IL1RL2: variants seen among roughly 807,000 people sequenced by gnomAD.
The protein encoded by IL1RL2 is interleukin 1 receptor like 2.
A neutral mutation model predicts 66.8 loss-of-function variants in IL1RL2; 68 were observed. That is an observed-to-expected ratio of 1.02 (90% CI 0.84 to 1.25). IL1RL2 has a LOEUF of 1.25. Among genes scored for constraint, IL1RL2 ranks in the 50% most tolerant of loss-of-function variants. The probability of loss-of-function intolerance (pLI) is 0.00; values close to 1 mark genes in which losing one functional copy is unlikely to be tolerated. For missense variants in IL1RL2, 729 were observed against 709.3 expected (o/e 1.03, Z -0.32); for synonymous variants, 305 against 264.6 (o/e 1.15, Z -1.48).
At chr2:102,226,624 GAGGA>G (rs549357283) in intron 9 of IL1RL2, among the ~76,000 whole-genome samples, 1 of 152,048 alleles carries the variant, frequency 6.6e-6, no homozygotes, top group Non-Finnish European at 1.5e-5. Context: ...GAAAGGAATA[GAGGA>G]AGGAAGGAAG....
chr2:102,236,250 T>C lies in IL1RL2; in HGVS notation c.1678+973T>C, dbSNP rs571442323. Among the ~76,000 whole-genome samples, 39 of 152,336 alleles carry C rather than the reference T, an allele frequency of 2.6e-4. No individual in the cohort carries two copies. In the East Asian group the frequency reaches 6.9e-3, roughly 27 times the overall value. On this transcript the variant is annotated intron_variant, in intron 11 of 11. Coordinates refer to ENST00000264257, the MANE Select transcript of IL1RL2 (RefSeq NM_003854.4). Reference sequence around the variant, plus strand: ...GTGGGTTGTTGACACTGAGACTTAGTAAGCAGTCAGTGGGGGCTGGAAGGG... The same window carrying C: ...GTGGGTTGTTGACACTGAGACTTAGCAAGCAGTCAGTGGGGGCTGGAAGGG...
chr2:102,220,103 C>T (rs1046232055), intron 8 of IL1RL2, 86 bp downstream of exon 8: 134 of 1,296,436 alleles, frequency 1.0e-4, no homozygotes, highest in Non-Finnish European at 1.3e-4. Context: ...ACTCTAAATG[C>T]TCAGTGTGAG....
At chr2:102,195,644 T>C (rs1687688328) in intron 4 of IL1RL2, among the ~76,000 whole-genome samples, 1 of 24,954 alleles carries the variant, frequency 4.0e-5, no homozygotes, top group Non-Finnish European at 1.0e-4. Flanking sequence ...TCTCTCTCTC[T>C]CTCTTTCTTT....
chr2:102,239,052 G>T (rs568254208), intron 11 of IL1RL2, 140 bp from the exon 12 acceptor site: 2 of 680,288 alleles, frequency 2.9e-6, no homozygotes, highest in African/African-American at 1.8e-5. Flanking sequence ...TAACCCAAGA[G>T]AAATGGAAGC....
chr2:102,236,955 C>T (rs150172250), intron 11 of IL1RL2, among the ~76,000 whole-genome samples: 116 of 152,296 alleles, frequency 7.6e-4, no homozygotes, highest in African/African-American at 2.5e-3. Context: ...TGCTGGTCTC[C>T]GGGAAGTCAG....
chr2:102,239,489 G>A lies in IL1RL2; in HGVS notation c.*248G>A, dbSNP rs866150845. 1 of 449,244 alleles carries A rather than the reference G, an allele frequency of 2.2e-6. No individual in the cohort carries two copies. Among genetic ancestry groups the A allele is most frequent in the African/African-American group, 2.0e-5 (1 of 50,130 alleles). The allele number at this position is 449,244 out of a possible 1,614,324, so 27.8% of individuals were successfully genotyped here. A position where few individuals can be genotyped will look rare whatever the true frequency, so the allele number is the denominator to read the frequency against. On this transcript the variant is annotated 3_prime_UTR_variant, in exon 12 of 12. Coordinates refer to ENST00000264257, the MANE Select transcript of IL1RL2 (RefSeq NM_003854.4). ...GCTGGGGGTTATCCCCATGGTCATG[G>A]AGGGTGAGGGCTGGTCGGGGGAGGC...
chr2:102,238,302 C>A (rs1318014284), intron 11 of IL1RL2, among the ~76,000 whole-genome samples: 1 of 152,164 alleles, frequency 6.6e-6, no homozygotes, highest in Non-Finnish European at 1.5e-5. Context: ...CCTGAGTCGG[C>A]TCATGAGAGA....
chr2:102,237,050 A>G (rs978433712), intron 11 of IL1RL2, among the ~76,000 whole-genome samples: 1 of 152,178 alleles, frequency 6.6e-6, no homozygotes, highest in African/African-American at 2.4e-5. Flanking sequence ...GAGTGTGGTC[A>G]TTCATTTATA....
At chr2:102,198,711 A>G (rs1013882438) in intron 4 of IL1RL2, among the ~76,000 whole-genome samples, 1 of 151,444 alleles carries the variant, frequency 6.6e-6, no homozygotes, top group African/African-American at 2.4e-5. Context: ...CTTTTCCTCT[A>G]TATTTGGGTC....
At chr2:102,238,940 G>C (rs1014979975) in intron 11 of IL1RL2, among the ~76,000 whole-genome samples, 8 of 152,148 alleles carry the variant, frequency 5.3e-5, no homozygotes, top group Admixed American at 1.3e-4. Context: ...CAGAGCCCTG[G>C]CTCTTGTCAT....
chr2:102,231,557 A>T (rs1004727007), intron 9 of IL1RL2, among the ~76,000 whole-genome samples: 8 of 136,908 alleles, frequency 5.8e-5, no homozygotes, highest in Non-Finnish European at 9.1e-5. Flanking sequence ...TCCCATGTTC[A>T]TTGTGAGTTT....
intron 4 of IL1RL2, among the ~76,000 whole-genome samples, chr2:102,195,643 CTCTCTT>C (rs1164347409): frequency 0.042 from 2,581 of 61,074 alleles, 158 homozygotes; most frequent in African/African-American, 0.11. Flanking sequence ...CTCTCTCTCT[CTCTCTT>C]TCTTTCTTTC....
chr2:102,214,936 A>T (rs1010970446), intron 6 of IL1RL2, among the ~76,000 whole-genome samples: 1 of 150,110 alleles, frequency 6.7e-6, no homozygotes, highest in African/African-American at 2.5e-5. Flanking sequence ...CATGGAAATG[A>T]TGGAATCCCT....
chr2:102,197,899 T>C (rs895775294), intron 4 of IL1RL2, among the ~76,000 whole-genome samples: 1 of 152,200 alleles, frequency 6.6e-6, no homozygotes, highest in Admixed American at 6.5e-5. Context: ...ACTTTCCAGA[T>C]TGTGGTAGAG....
At chr2:102,236,079 C>T (rs1455265824) in intron 11 of IL1RL2, 2 of 352,058 alleles carry the variant, frequency 5.7e-6, no homozygotes, top group African/African-American at 4.5e-5. Flanking sequence ...AGTCAGTTTC[C>T]AATGAGCCAA....
rs1392315070 is a variant in IL1RL2 at position 102,219,893 on chromosome 2, T to A, written c.867T>A (p.Ser289=). ...RIREGVETHV[S]FREHNLYTVN... is the part of the protein sequence containing the mutation. ...TTTTCTTTTATAGAACCCATGTCTCTTTTCGGGAACATAATTTGTACACAG... is the reference window on the plus strand; with the variant it reads ...TTTTCTTTTATAGAACCCATGTCTCATTTCGGGAACATAATTTGTACACAG... Residue 289 remains serine, a synonymous_variant, in exon 8 of 12, where the codon TCT becomes TCA. Transcript: ENST00000264257. 2 of 1,609,618 alleles carry A rather than the reference T, an allele frequency of 1.2e-6. No homozygotes were observed. Among genetic ancestry groups the A allele is most frequent in the Non-Finnish European group, 1.7e-6 (2 of 1,176,268 alleles).
At chr2:102,196,747 C>A (rs1559531490) in intron 4 of IL1RL2, among the ~76,000 whole-genome samples, 1 of 152,148 alleles carries the variant, frequency 6.6e-6, no homozygotes, top group African/African-American at 2.4e-5. Context: ...TAGAGGGAAG[C>A]AGCAGGTGCA....
At chr2:102,225,823 A>G (rs1194366062) in intron 8 of IL1RL2, 75 bp from the exon 9 acceptor site, 4 of 1,171,418 alleles carry the variant, frequency 3.4e-6, no homozygotes, top group Non-Finnish European at 3.4e-6. Flanking sequence ...GATCTGTATT[A>G]GTAAAGTATA....
At chr2:102,206,463 A>T (rs546886807) in intron 5 of IL1RL2, among the ~76,000 whole-genome samples, 1 of 152,324 alleles carries the variant, frequency 6.6e-6, no homozygotes, top group Non-Finnish European at 1.5e-5. Flanking sequence ...AAGCCCAGTA[A>T]TGCTGTGGTT....
Sources: allele counts gnomAD v4.1 joint callset (sites outside exome capture counted in the v4.1 genomes callset), GRCh38; gene constraint gnomAD v4.1.1; transcripts MANE v1.5; gene names NCBI Gene and HGNC (gene_info 2026-07-23, HGNC 2026-07-21).